The following CUL2 variants were observed in gnomAD, a reference collection of about 807,000 sequenced individuals.
CUL2 encodes cullin 2.
A neutral mutation model predicts 110.2 loss-of-function variants in CUL2; 22 were observed. The ratio of observed to expected loss-of-function variants is 0.20; its 90% CI spans 0.14 to 0.28. CUL2 has a LOEUF of 0.28. Ranked by LOEUF, CUL2 falls within the 10% of genes least tolerant of loss-of-function variation. The pLI is 1.00. For missense variants in CUL2, 631 were observed against 905.5 expected, an observed-to-expected ratio of 0.70 and a Z score of 3.89; for synonymous variants, 279 against 293.2, an observed-to-expected ratio of 0.95 and a Z score of 0.49.
intron 1 of CUL2, among the ~76,000 whole-genome samples, chr10:35,083,578 G>A (rs920654699): frequency 4.6e-5 from 7 of 152,198 alleles, no homozygotes; most frequent in Admixed American, 1.3e-4. Flanking sequence ...GAACACCTAT[G>A]ATGTCAGAAA....
chr10:35,051,571 C>A (rs984758928), intron 5 of CUL2, among the ~76,000 whole-genome samples: 6 of 152,196 alleles, frequency 3.9e-5, no homozygotes, highest in African/African-American at 1.4e-4. Context: ...CGAGATCGTG[C>A]CACTGCACTC....
At chr10:35,080,179 CAAAGCTGCCAATGGTGCACAATGACCA>C (rs775965368) in intron 1 of CUL2, among the ~76,000 whole-genome samples, 5 of 152,096 alleles carry the variant, frequency 3.3e-5, no homozygotes, top group African/African-American at 7.2e-5. Flanking sequence ...TAGGTGGGCC[CAAAGCTGCCAATGGTGCACAATGACCA>C]AATATGTTGC....
intron 10 of CUL2, among the ~76,000 whole-genome samples, chr10:35,034,729 T>C (rs1447728223): frequency 1.3e-5 from 2 of 152,192 alleles, no homozygotes; most frequent in Non-Finnish European, 2.9e-5. Flanking sequence ...GCAGCAAGCA[T>C]ATACTTACAG....
Position 35,039,076 on chromosome 10 carries a change from C to G in CUL2, c.721G>C (p.Gly241Arg). ...NCSQYMEKVL[G>R]RLKDEEIRCR... ...CGAATTTCTTCATCTTTTAATCTAC[C>G]TAGAACCTATAAAAATATTTTCTTA... is the stretch of plus-strand genomic sequence containing the variant. The change falls in exon 9 of 21, where the codon GGT (glycine) becomes CGT (arginine). Residue 241 changes from glycine (G) to arginine (R), a missense_variant. Coordinates refer to ENST00000374749, the MANE Select transcript of CUL2 (RefSeq NM_003591.4). The G allele has an allele frequency of 6.4e-7, 1 of 1,561,534 alleles. No homozygotes were observed. Among genetic ancestry groups the G allele is most frequent in the Non-Finnish European group, 8.7e-7 (1 of 1,155,044 alleles).
chr10:35,072,016 C>A (rs977275507), intron 1 of CUL2, among the ~76,000 whole-genome samples: 10 of 152,062 alleles, frequency 6.6e-5, no homozygotes, highest in African/African-American at 2.4e-4. Flanking sequence ...GACATTCAAC[C>A]GAAAGGTTTT....
rs554275772 is a variant in CUL2, at chr10:35,010,868, T to C, written c.2107-426A>G. Among the ~76,000 whole-genome samples, 16 of 152,306 alleles carry C rather than the reference T, an allele frequency of 1.1e-4. No individual in the cohort carries two copies. In the South Asian group the frequency reaches 2.9e-3, roughly 28 times the overall value. On this transcript the variant is annotated intron_variant, in intron 20 of 20. Coordinates refer to ENST00000374749, the MANE Select transcript of CUL2 (RefSeq NM_003591.4). ...GTGTATTTCTTCCCCCATTAAACTG[T>C]GAACTCCAAAAAAGCCTGCCATATC...
chr10:35,056,408 T>C (rs180885588), intron 4 of CUL2, among the ~76,000 whole-genome samples: 25 of 152,350 alleles, frequency 1.6e-4, no homozygotes, highest in Non-Finnish European at 3.2e-4. Context: ...TTTATGTGGC[T>C]GAATACTATA....
At chr10:35,052,366 G>A (rs985262990) in intron 5 of CUL2, among the ~76,000 whole-genome samples, 7 of 152,182 alleles carry the variant, frequency 4.6e-5, no homozygotes, top group Non-Finnish European at 7.4e-5. Flanking sequence ...CAATGGGGCA[G>A]AGCTGCGAAA....
chr10:35,071,241 A>G lies in CUL2; in HGVS notation c.77T>C (p.Met26Thr), dbSNP rs759325657. 1.2e-6 allele frequency: 2 copies of G among 1,614,144 alleles called. No homozygotes were observed. The highest frequency in any genetic ancestry group is 1.1e-5 in the South Asian group (1 of 91,078). Reference sequence around the variant, plus strand: ...TGTTGCTCTTTCGACGTATTCCAACATGACCACGGCTTTTATTGTCGTCAA... The same window carrying G: ...TGTTGCTCTTTCGACGTATTCCAACGTGACCACGGCTTTTATTGTCGTCAA... ...KLLTTIKAVVMLEYVERATWN... is the reference protein window; with the variant it reads ...KLLTTIKAVVTLEYVERATWN... The change falls in exon 2 of 21, where the codon ATG (methionine) becomes ACG (threonine). Residue 26 changes from methionine to threonine, a missense_variant. This residue lies in a region of CUL2 where 338 missense variants were observed against 442.5 expected (regional missense o/e 0.76). Coordinates refer to ENST00000374749, the MANE Select transcript of CUL2 (RefSeq NM_003591.4).
At chr10:35,062,355 G>A (rs560941783) in intron 3 of CUL2, among the ~76,000 whole-genome samples, 1 of 152,188 alleles carries the variant, frequency 6.6e-6, no homozygotes, top group East Asian at 1.9e-4. Context: ...AAATAATAAA[G>A]ACAGAGATTT....
intron 3 of CUL2, among the ~76,000 whole-genome samples, chr10:35,061,707 T>TA (rs2086386476): frequency 6.6e-6 from 1 of 151,072 alleles, no homozygotes; most frequent in Admixed American, 6.6e-5. Flanking sequence ...CTATCAAAAG[T>TA]AGAGCATTTT....
chr10:35,030,687 C>T (rs1019331557), intron 14 of CUL2, among the ~76,000 whole-genome samples: 9 of 152,226 alleles, frequency 5.9e-5, no homozygotes, highest in African/African-American at 2.2e-4. Context: ...CTGGCCAACA[C>T]TACTTTTAGA....
At chr10:35,107,263 C>T (rs973371232) in intron 1 of CUL2, among the ~76,000 whole-genome samples, 9 of 151,810 alleles carry the variant, frequency 5.9e-5, no homozygotes, top group African/African-American at 2.2e-4. Flanking sequence ...CATGAGCCAC[C>T]GCGCCCAGCT....
intron 1 of CUL2, among the ~76,000 whole-genome samples, chr10:35,082,212 G>A (rs2086960549): frequency 6.6e-6 from 1 of 152,026 alleles, no homozygotes; most frequent in Non-Finnish European, 1.5e-5. Context: ...GCCAGACCTT[G>A]TCTCTCAAAA....
intron 4 of CUL2, among the ~76,000 whole-genome samples, chr10:35,054,743 C>T (rs556498624): frequency 1.4e-4 from 21 of 152,130 alleles, no homozygotes; most frequent in Non-Finnish European, 2.2e-4. Flanking sequence ...CAAGCCCTTA[C>T]AATACCCTTC....
chr10:35,101,426 T>C (rs921982957), intron 1 of CUL2, among the ~76,000 whole-genome samples: 1 of 152,198 alleles, frequency 6.6e-6, no homozygotes, highest in South Asian at 2.1e-4. Context: ...TGTTTTAATA[T>C]CACCAGATTA....
chr10:35,126,764 G>C (rs962310366), upstream of CUL2: 1 of 151,372 alleles, frequency 6.6e-6, no homozygotes. Context: ...TCTTGGCCCC[G>C]CCCCCTGACC....
chr10:35,084,662 A>G (rs1411955783), intron 1 of CUL2, among the ~76,000 whole-genome samples: 4 of 152,236 alleles, frequency 2.6e-5, no homozygotes, highest in African/African-American at 9.6e-5. Flanking sequence ...TTAACTGATT[A>G]CTGAGAGAGG....
intron 1 of CUL2, among the ~76,000 whole-genome samples, chr10:35,111,923 A>C (rs1159569105): frequency 6.6e-6 from 1 of 152,226 alleles, no homozygotes; most frequent in African/African-American, 2.4e-5. Flanking sequence ...ATTCCTACAC[A>C]GCACAAACTC....
Sources: allele counts gnomAD v4.1 joint callset (sites outside exome capture counted in the v4.1 genomes callset), GRCh38; gene constraint gnomAD v4.1.1; regional missense constraint gnomAD v4.1.1; transcripts MANE v1.5; gene names NCBI Gene and HGNC (gene_info 2026-07-23, HGNC 2026-07-21).